The following CPT1B variants were observed in gnomAD, a reference collection of about 807,000 sequenced individuals.
The protein encoded by CPT1B is carnitine palmitoyltransferase 1B, also known as carnitine O-palmitoyltransferase 1, muscle isoform.
In CPT1B, 57 loss-of-function variants were observed where a neutral mutation model predicts 92.7. The observed-to-expected ratio is 0.62, with a 90% CI of 0.50 to 0.77. The LOEUF (loss-of-function observed/expected upper bound fraction) is 0.77, where lower values mean the gene tolerates loss of function less well. Among genes scored for constraint, CPT1B ranks in the 30% least tolerant of loss-of-function variants. The pLI is 0.00. For synonymous variants in CPT1B, 398 were observed against 383.5 expected, an observed-to-expected ratio of 1.04 and a Z score of -0.44; for missense variants, 983 against 1,017.4, an observed-to-expected ratio of 0.97 and a Z score of 0.46.
Position 50,577,454 on chromosome 22 carries a change from G to A in CPT1B, c.151C>T (p.Leu51Phe). 2 of 1,613,608 alleles carry A rather than the reference G, an allele frequency of 1.2e-6. No individual in the cohort carries two copies. Among genetic ancestry groups the A allele is most frequent in the Non-Finnish European group, 1.7e-6 (2 of 1,179,950 alleles). ...KRLIRIKNGI[L>F]RGVYPGSPTS... is the part of the protein sequence containing the mutation. The stretch of plus-strand genomic sequence containing the variant: ...GGGCTGCCAGGGTACACGCCCCTGA[G>A]GATGCCATTCTGTGGGCAGAAACAG... The change falls in exon 3 of 20, where the codon CTC becomes TTC. Residue 51 changes from leucine (L) to phenylalanine (F), a missense_variant. Transcript: ENST00000312108.
Position 50,577,820 on chromosome 22 carries a change from G to C in CPT1B, c.96C>G (p.Tyr32Ter), listed in dbSNP as rs1487017921. ...TCTTCCAGGAGTTGATCCCAGACAG[G>C]TAGACGTGTTTCAGGGCCTCCCGAC... ...RLSREALKHV[Y>*]LSGINSWKKR... The change falls in exon 2 of 20, where the codon TAC becomes TAG. Residue 32 changes from tyrosine (Y) to a stop codon, truncating the protein, a stop_gained. Coordinates refer to ENST00000312108, the MANE Select transcript of CPT1B (RefSeq NM_152246.3). LOFTEE classifies it high-confidence loss of function. 6.2e-7 allele frequency: 1 copy of C among 1,613,758 alleles called. No homozygotes were observed. The highest frequency in any genetic ancestry group is 8.5e-7 in the Non-Finnish European group (1 of 1,179,896).
chr22:50,570,325 T>A lies in CPT1B; in HGVS notation c.2110A>T (p.Asn704Tyr). 6 of 1,599,558 alleles carry A rather than the reference T, an allele frequency of 3.8e-6. No individual in the cohort carries two copies. The highest frequency in any genetic ancestry group is 4.3e-6 in the Non-Finnish European group (5 of 1,170,788). Reference sequence around the variant, plus strand: ...AAGCCACCTCCAGCGCCCAGGTGATTGGGGTGCTGCTCTGGGTCGAACATG... The same window carrying A: ...AAGCCACCTCCAGCGCCCAGGTGATAGGGGTGCTGCTCTGGGTCGAACATG... ...IRMFDPEQHPNHLGAGGGFGP... is the reference protein window; with the variant it reads ...IRMFDPEQHPYHLGAGGGFGP... The change falls in exon 17 of 20, where the codon AAT becomes TAT. Residue 704 changes from asparagine to tyrosine, a missense_variant. Physicochemically the swap from Asn to Tyr is moderately radical, Grantham distance 143 (BLOSUM62 -2). Transcript: ENST00000312108.
Position 50,572,981 on chromosome 22 carries a change from C to T in CPT1B, c.1246G>A (p.Ala416Thr), listed in dbSNP as rs140100981. The change falls in exon 11 of 20, where the codon GCT (alanine) becomes ACT (threonine). Residue 416 changes from alanine (A) to threonine (T), a missense_variant. Coordinates refer to ENST00000312108, the MANE Select transcript of CPT1B (RefSeq NM_152246.3). ...KAALEAIERA[A>T]FFVALDEESY... is the part of the protein sequence containing the mutation. ...TCCTCATCCAGGGCCACGAAGAAAGCGGCACGCTCGATGGCCTCCAAGGCA... is the reference window on the plus strand; with the variant it reads ...TCCTCATCCAGGGCCACGAAGAAAGTGGCACGCTCGATGGCCTCCAAGGCA... The T allele has an allele frequency of 5.5e-5, 88 of 1,613,678 alleles. No individual in the cohort carries two copies. Among genetic ancestry groups the T allele is most frequent in the African/African-American group, 8.0e-5 (6 of 75,046 alleles).
intron 15 of CPT1B, 52 bp from the exon 16 acceptor site, chr22:50,571,095 C>T (rs1332141340): frequency 1.4e-5 from 23 of 1,611,292 alleles, no homozygotes; most frequent in Non-Finnish European, 1.9e-5. Context: ...TCCAGGCAGA[C>T]AGGAGGCAGA....
Position 50,569,328 on chromosome 22 carries a change from T to C in CPT1B, c.*2+8A>G. 5.0e-6 allele frequency: 8 copies of C among 1,613,764 alleles called. No homozygotes were observed. The highest frequency in any genetic ancestry group is 6.8e-6 in the Non-Finnish European group (8 of 1,179,794). ...TGGGGACGAAAGGGCAGCTGGCATT[T>C]CTCCAACCTTCAGCTGTAGGCCTTG... On this transcript the variant is annotated splice_region_variant and intron_variant, in intron 19 of 19. Coordinates refer to ENST00000312108, the MANE Select transcript of CPT1B (RefSeq NM_152246.3).
chr22:50,577,176 G>T lies in CPT1B; in HGVS notation c.282-142C>A, dbSNP rs890667883. 2.2e-6 allele frequency: 3 copies of T among 1,370,220 alleles called. No individual in the cohort carries two copies. In the Admixed American group the frequency reaches 5.9e-5, roughly 27 times the overall value. 84.9% of individuals were successfully genotyped at this position (1,370,220 alleles called of 1,614,324 possible). ...ACTGCATCAAATGAGCGGATGTAGG[G>T]CTAAGACAATGGTTGTCATAGGGGA... is the stretch of plus-strand genomic sequence containing the variant. On this transcript the variant is annotated intron_variant, in intron 3 of 19. Coordinates refer to ENST00000312108, the MANE Select transcript of CPT1B (RefSeq NM_152246.3).
chr22:50,572,723 G>T, intron 11 of CPT1B, 152 bp downstream of exon 11: 1 of 793,092 alleles, frequency 1.3e-6, no homozygotes, highest in Non-Finnish European at 2.0e-6. Context: ...GCACTCAAGT[G>T]ATCCACCTGC....
chr22:50,573,640 T>C lies in CPT1B; in HGVS notation c.1046A>G (p.Tyr349Cys), dbSNP rs767275036. The C allele has an allele frequency of 6.2e-6, 10 of 1,613,380 alleles. No individual in the cohort carries two copies. The highest frequency in any genetic ancestry group is 3.3e-5 in the South Asian group (3 of 91,088). The change falls in exon 10 of 20, where the codon TAT becomes TGT. Residue 349 changes from tyrosine to cysteine, a missense_variant. Transcript: ENST00000312108. The surrounding 1 kb of genome is among the most constrained non-coding windows in gnomAD (Gnocchi z 5.0). The stretch of plus-strand genomic sequence containing the variant: ...AGGCTTGAGCAGACGGGCGCCCTCA[T>C]AGAGCCACAGCTTGAAGAAGCGTCC... ...HKGRFFKLWL[Y>C]EGARLLKPQD...
At chr22:50,576,671 C>T in intron 4 of CPT1B, 34 bp from the exon 5 acceptor site, 1 of 1,602,252 alleles carries the variant, frequency 6.2e-7, no homozygotes, top group South Asian at 1.1e-5. Flanking sequence ...GGGGTGGGAG[C>T]CAGTGGAAAA....
intron 16 of CPT1B, 123 bp from the exon 17 acceptor site, chr22:50,570,529 C>T: frequency 1.3e-6 from 1 of 759,102 alleles, no homozygotes; most frequent in East Asian, 2.7e-5. Context: ...TCCCTGGCCA[C>T]CACCCCGTGG....
rs753087333 is a variant in CPT1B at position 50,574,356 on chromosome 22, G to A, written c.949C>T (p.Arg317Trp). 18 of 1,613,464 alleles carry A rather than the reference G, an allele frequency of 1.1e-5. No homozygotes were observed. In the East Asian group the frequency reaches 2.9e-4, roughly 26 times the overall value. ...YQMERMFNTT[R>W]IPGKDTDVLQ... ...TTACCTGTGTCCTTGCCCGGGATCC[G>A]AGTGGTGTTGAACATCCTCTCCATC... The change falls in exon 9 of 20, where the codon CGG becomes TGG. Residue 317 changes from arginine to tryptophan, a missense_variant. Coordinates refer to ENST00000312108, the MANE Select transcript of CPT1B (RefSeq NM_152246.3).
rs1447471275 is a variant in CPT1B at position 50,573,349 on chromosome 22, G to A, written c.1166+171C>T. Among the ~76,000 whole-genome samples the A allele has an allele frequency of 2.0e-5, 3 of 152,124 alleles. No individual in the cohort carries two copies. Among genetic ancestry groups the A allele is most frequent in the African/African-American group, 7.2e-5 (3 of 41,412 alleles). The stretch of plus-strand genomic sequence containing the variant: ...CACCCTCTGCACACTTCACCTGGCT[G>A]CCACCCGTCAGAGGTAGGTTATGCT... On this transcript the variant is annotated intron_variant, in intron 10 of 19. Transcript: ENST00000312108. This position sits in a 1 kb window ranked among gnomAD's most constrained non-coding sequence, Gnocchi z 5.0.
intron 5 of CPT1B, 80 bp downstream of exon 5, chr22:50,576,456 T>C (rs1469618180): frequency 8.1e-6 from 13 of 1,602,076 alleles, no homozygotes; most frequent in Non-Finnish European, 1.1e-5. Flanking sequence ...AGGCCACTCT[T>C]TGCACAGAAC....
At chr22:50,575,869 C>T (rs1266453856) in intron 7 of CPT1B, among the ~76,000 whole-genome samples, 166 bp downstream of exon 7, 3 of 152,110 alleles carry the variant, frequency 2.0e-5, no homozygotes, top group Admixed American at 6.5e-5. Context: ...CTTCTGGACT[C>T]TTCTAGGATC....
In CPT1B at chr22:50,569,400, G is replaced by C; in HGVS notation, c.2257C>G (p.His753Asp). 1.2e-6 allele frequency: 2 copies of C among 1,614,164 alleles called. No individual in the cohort carries two copies. Among genetic ancestry groups the C allele is most frequent in the Admixed American group, 3.3e-5 (2 of 60,018 alleles). Residue 753 changes from histidine (H) to aspartate (D), a missense_variant, in exon 19 of 20, where the codon CAC becomes GAC. Physicochemically the swap from His to Asp is moderately conservative, Grantham distance 81. Transcript: ENST00000312108. ...SETNAQRFGN[H>D]IRKALLDIAD... ...ATGTCCAGCAGGGCTTTGCGGATGT[G>C]GTTTCCAAAGCGCTGGGCGTTCTGT...
At chr22:50,574,733 G>T in intron 7 of CPT1B, 133 bp from the exon 8 acceptor site, 1 of 683,954 alleles carries the variant, frequency 1.5e-6, no homozygotes, top group Non-Finnish European at 2.6e-6. Context: ...TGCACATGCT[G>T]CCGGGGTGAA....
chr22:50,575,939 G>C, intron 7 of CPT1B, 96 bp downstream of exon 7: 1 of 1,167,468 alleles, frequency 8.6e-7, no homozygotes, highest in Non-Finnish European at 1.3e-6. Flanking sequence ...GCCCACGGAA[G>C]CTGCTACTAG....
chr22:50,572,854 G>T (rs2070242977), intron 11 of CPT1B, 21 bp downstream of exon 11: 2 of 1,595,768 alleles, frequency 1.3e-6, no homozygotes, highest in African/African-American at 1.3e-5. Flanking sequence ...GCTGTAACCT[G>T]TGGGGCTGGG....
rs142616949 is a variant in CPT1B, at chr22:50,569,375, A to G, written c.2282T>C (p.Ile761Thr). Residue 761 changes from isoleucine to threonine, a missense_variant, in exon 19 of 20, where the codon ATT becomes ACT. Physicochemically the swap from Ile to Thr is moderately conservative, Grantham distance 89. Transcript: ENST00000312108. Reference sequence around the variant, plus strand: ...CTTGGGAACTTGGAAAAGATCAGCAATGTCCAGCAGGGCTTTGCGGATGTG... The same window carrying G: ...CTTGGGAACTTGGAAAAGATCAGCAGTGTCCAGCAGGGCTTTGCGGATGTG... ...GNHIRKALLD[I>T]ADLFQVPKAY... is the part of the protein sequence containing the mutation. 1.9e-4 allele frequency: 301 copies of G among 1,614,164 alleles called. No individual in the cohort carries two copies. The highest frequency in any genetic ancestry group is 2.5e-4 in the Non-Finnish European group (293 of 1,180,020).
Sources: gnomAD v4.1 joint callset for allele counts (sites outside exome capture counted in the v4.1 genomes callset) on GRCh38, gnomAD v4.1.1 for gene constraint, Gnocchi (gnomAD v3.1) non-coding constraint, MANE v1.5 for transcripts, NCBI Gene and HGNC (gene_info 2026-07-23, HGNC 2026-07-21) for gene names.